MID1: variants seen among roughly 807,000 people sequenced by gnomAD.
MID1 encodes E3 ubiquitin-protein ligase Midline-1.
Under a neutral mutation model 40.4 loss-of-function variants are expected in MID1, and 7 were observed. The ratio of observed to expected loss-of-function variants is 0.17; its 90% confidence interval spans 0.10 to 0.33. MID1 has a LOEUF of 0.33. MID1 is among the 10% of genes least tolerant of loss of function. The probability of loss-of-function intolerance (pLI) is 1.00; values close to 1 mark genes in which losing one functional copy is unlikely to be tolerated. For missense variants in MID1, 367 were observed against 558.5 expected (o/e 0.66, Z 3.46); for synonymous variants, 229 against 221.2 (o/e 1.04, Z -0.31).
chrX:10,613,732 T>TATATATATATAGAGAG (rs1482081086), intron 1 of MID1, among the ~76,000 whole-genome samples: 3 of 17,480 alleles, frequency 1.7e-4, no homozygotes, highest in Admixed American at 8.9e-4. Flanking sequence ...TATATATATA[T>TATATATATATAGAGAG]AGAGAGAGAG....
intron 1 of MID1, among the ~76,000 whole-genome samples, chrX:10,717,258 TAA>T (rs1461267227): frequency 9.1e-6 from 1 of 109,369 alleles, no homozygotes; most frequent in African/African-American, 3.3e-5. Context: ...GCAAATTCGA[TAA>T]AGAGTCAAGA....
chrX:10,627,111 A>C (rs1391469940), intron 1 of MID1, among the ~76,000 whole-genome samples: 2 of 111,941 alleles, frequency 1.8e-5, no homozygotes, highest in Admixed American at 1.9e-4. Context: ...TACTTTGATA[A>C]AATTAAAATT....
chrX:10,479,954 C>T (rs1005273089), intron 5 of MID1, among the ~76,000 whole-genome samples: 7 of 111,849 alleles, frequency 6.3e-5, no homozygotes, highest in African/African-American at 2.0e-4. Context: ...TAGAAAATAG[C>T]TCAAAGACCC....
chrX:10,653,376 A>G (rs1936337244), intron 1 of MID1, among the ~76,000 whole-genome samples: 1 of 112,909 alleles, frequency 8.9e-6, no homozygotes, highest in Non-Finnish European at 1.9e-5. Flanking sequence ...AAACCAGTTC[A>G]GCAATTCCCA....
At chrX:10,648,525 A>G (rs146650276) in intron 1 of MID1, among the ~76,000 whole-genome samples, 2 of 112,193 alleles carry the variant, frequency 1.8e-5, no homozygotes, top group African/African-American at 6.5e-5. Context: ...CAGGAGAGAA[A>G]AACTCCTTAA....
chrX:10,656,248 C>T (rs1446504479), intron 1 of MID1, among the ~76,000 whole-genome samples: 1 of 111,852 alleles, frequency 8.9e-6, no homozygotes, highest in African/African-American at 3.3e-5. Flanking sequence ...CCAAGCTTCT[C>T]CTTCCAATCT....
chrX:10,638,691 A>G, intron 1 of MID1, among the ~76,000 whole-genome samples: 1 of 112,181 alleles, frequency 8.9e-6, no homozygotes, highest in Admixed American at 9.4e-5. Flanking sequence ...AGATCTGAGA[A>G]CAGACAGACT....
chrX:10,808,101 C>A (rs2044060481), intron 1 of MID1, among the ~76,000 whole-genome samples: 1 of 112,665 alleles, frequency 8.9e-6, no homozygotes, highest in Non-Finnish European at 1.9e-5. Flanking sequence ...GGTGCCAACA[C>A]ATGTGTCAGA....
chrX:10,696,868 C>T (rs187491715), intron 1 of MID1, among the ~76,000 whole-genome samples: 146 of 111,929 alleles, frequency 1.3e-3, no homozygotes, highest in African/African-American at 4.5e-3. Flanking sequence ...TAAGTGGTCA[C>T]GATCAACAAT....
chrX:10,797,286 G>A (rs1456994710), intron 1 of MID1, among the ~76,000 whole-genome samples: 1 of 111,361 alleles, frequency 9.0e-6, no homozygotes, highest in Non-Finnish European at 1.9e-5. Context: ...CTAATAAATT[G>A]GGCCTGTCCA....
At chrX:10,742,230 T>C (rs894516660) in intron 1 of MID1, among the ~76,000 whole-genome samples, 5 of 111,574 alleles carry the variant, frequency 4.5e-5, no homozygotes, top group Admixed American at 1.9e-4. Flanking sequence ...ATTTCCAGAA[T>C]TGCATTTTAA....
At chrX:10,643,826 T>TA (rs1936231358) in intron 1 of MID1, among the ~76,000 whole-genome samples, 1 of 111,467 alleles carries the variant, frequency 9.0e-6, no homozygotes, top group African/African-American at 3.3e-5. Flanking sequence ...TATGCAGCCA[T>TA]AAAAAATGAT....
chrX:10,527,710 T>C (rs1932859465), intron 2 of MID1, among the ~76,000 whole-genome samples: 1 of 111,451 alleles, frequency 9.0e-6, no homozygotes, highest in Non-Finnish European at 1.9e-5. Flanking sequence ...TGGCAATTAC[T>C]GGCAATTGGT....
chrX:10,805,784 C>G (rs1270460410), intron 1 of MID1, among the ~76,000 whole-genome samples: 1 of 104,364 alleles, frequency 9.6e-6, no homozygotes. Flanking sequence ...GAGATGGTAT[C>G]TCATTGTGGT....
intron 1 of MID1, among the ~76,000 whole-genome samples, chrX:10,708,470 C>T (rs894266649): frequency 9.1e-6 from 1 of 110,288 alleles, no homozygotes; most frequent in Admixed American, 9.8e-5. Flanking sequence ...AGGATGGTTA[C>T]CAGGGCAAAA....
intron 1 of MID1, among the ~76,000 whole-genome samples, chrX:10,732,490 G>A (rs770134411): frequency 8.9e-6 from 1 of 112,045 alleles, no homozygotes; most frequent in South Asian, 3.7e-4. Flanking sequence ...TTAAAAGGTA[G>A]AAATAAATGG....
chrX:10,735,660 T>G (rs2043482890), intron 1 of MID1, among the ~76,000 whole-genome samples: 1 of 112,135 alleles, frequency 8.9e-6, no homozygotes, highest in African/African-American at 3.2e-5. Flanking sequence ...AAACAAAGAA[T>G]CCTTGCATAT....
At chrX:10,704,925 G>A (rs896244645) in intron 1 of MID1, among the ~76,000 whole-genome samples, 5 of 108,168 alleles carry the variant, frequency 4.6e-5, no homozygotes, top group African/African-American at 1.3e-4. Context: ...CACCACGCCC[G>A]GCTAATTTTT....
At chrX:10,524,781 A>C (rs911036068) in intron 2 of MID1, among the ~76,000 whole-genome samples, 1 of 112,300 alleles carries the variant, frequency 8.9e-6, no homozygotes, top group Non-Finnish European at 1.9e-5. Context: ...AAGAGGGCCA[A>C]GTCTTGCAGC....
Sources: gnomAD v4.1 joint callset for allele counts (sites outside exome capture counted in the v4.1 genomes callset) on GRCh38, gnomAD v4.1.1 for gene constraint, MANE v1.5 for transcripts, NCBI Gene and HGNC (gene_info 2026-07-23, HGNC 2026-07-21) for gene names.